PRSS23: variants seen among roughly 807,000 people sequenced by gnomAD.
PRSS23 encodes protease, serine 23.
Under a neutral mutation model 34.7 loss-of-function variants are expected in PRSS23, and 25 were observed. That is an observed-to-expected ratio of 0.72 (90% CI 0.53 to 1.01). PRSS23 has a LOEUF of 1.01. Ranked by LOEUF, PRSS23 falls within the 50% of genes least tolerant of loss-of-function variation. PRSS23 has a pLI of 0.00. For missense variants in PRSS23, 445 were observed against 475.6 expected (o/e 0.94, Z 0.60); for synonymous variants, 176 against 186.6 (o/e 0.94, Z 0.46).
intron 2 of PRSS23, among the ~76,000 whole-genome samples, chr11:86,917,286 T>C (rs914887608): frequency 1.6e-4 from 24 of 152,354 alleles, no homozygotes; most frequent in African/African-American, 5.5e-4. Context: ...GCCATTGCAC[T>C]CCAGCCTGGG....
intron 2 of PRSS23, among the ~76,000 whole-genome samples, chr11:86,883,949 T>G (rs566520821): frequency 6.6e-6 from 1 of 152,320 alleles, no homozygotes; most frequent in Admixed American, 6.5e-5. Context: ...CTTTTTTATC[T>G]CTTCTACCTC....
intron 2 of PRSS23, among the ~76,000 whole-genome samples, chr11:86,905,337 T>C (rs563855973): frequency 6.6e-6 from 1 of 152,306 alleles, no homozygotes; most frequent in South Asian, 2.1e-4. Flanking sequence ...TTAAGCATGA[T>C]AAAGCATGTG....
chr11:86,939,403 AATATAT>A (rs1555083965), intron 2 of PRSS23, among the ~76,000 whole-genome samples: 15 of 80,550 alleles, frequency 1.9e-4, no homozygotes, highest in African/African-American at 5.1e-4. Flanking sequence ...TAAAAAAAAA[AATATAT>A]ATATATATAT....
chr11:86,951,865 A>C (rs1279594903), exon 3 of PRSS23: 1 of 1,613,594 alleles, frequency 6.2e-7, no homozygotes, highest in Non-Finnish European at 8.5e-7. Context: ...CTGTGTTCTT[A>C]AGTCCTTCTT....
At chr11:86,837,546 A>C (rs1234417769) in intron 2 of PRSS23, 1 of 152,244 alleles carries the variant, frequency 6.6e-6, no homozygotes, top group Non-Finnish European at 1.5e-5. Context: ...AGGTGGGTGG[A>C]TCACAAGGTC....
At chr11:86,813,290 C>T (rs887999572), downstream of PRSS23, among the ~76,000 whole-genome samples, 1 of 152,180 alleles carries the variant, frequency 6.6e-6, no homozygotes, top group African/African-American at 2.4e-5. Flanking sequence ...CTTGCTATAC[C>T]TGTGTGTTAG....
chr11:86,825,577 A>C (rs111927301), intron 2 of PRSS23, among the ~76,000 whole-genome samples: 7,824 of 150,314 alleles, frequency 0.052, 304 homozygotes, highest in East Asian at 0.17. Flanking sequence ...CTGAATGGTA[A>C]TGCCTAGGTT....
At chr11:86,869,139 A>G (rs1948668971) in intron 2 of PRSS23, among the ~76,000 whole-genome samples, 1 of 152,216 alleles carries the variant, frequency 6.6e-6, no homozygotes, top group South Asian at 2.1e-4. Context: ...TTTGGAGTGA[A>G]AAACAGACAT....
At chr11:86,882,420 C>T (rs1037778808) in intron 2 of PRSS23, among the ~76,000 whole-genome samples, 1 of 152,168 alleles carries the variant, frequency 6.6e-6, no homozygotes, top group African/African-American at 2.4e-5. Context: ...CATGTGTTCT[C>T]ATTATTTAGC....
At chr11:86,872,050 A>G (rs552624706) in intron 2 of PRSS23, among the ~76,000 whole-genome samples, 1 of 152,342 alleles carries the variant, frequency 6.6e-6, no homozygotes, top group African/African-American at 2.4e-5. Context: ...CCTGCCACTT[A>G]CAATTAGCAG....
At chr11:86,845,690 G>T (rs754660839) in intron 2 of PRSS23, among the ~76,000 whole-genome samples, 7 of 152,114 alleles carry the variant, frequency 4.6e-5, no homozygotes, top group Middle Eastern at 3.2e-3. Context: ...ACCAGAATTT[G>T]TGCATTGTGT....
chr11:86,853,803 C>G (rs1481036543), intron 2 of PRSS23, among the ~76,000 whole-genome samples: 1 of 152,132 alleles, frequency 6.6e-6, no homozygotes, highest in Non-Finnish European at 1.5e-5. Flanking sequence ...AAATACACTC[C>G]ATACTATTTT....
intron 2 of PRSS23, among the ~76,000 whole-genome samples, chr11:86,855,390 T>C (rs1477564060): frequency 6.6e-6 from 1 of 152,204 alleles, no homozygotes; most frequent in Non-Finnish European, 1.5e-5. Flanking sequence ...TTATTCCATC[T>C]TTCTGTATTT....
At chr11:86,939,351 G>A (rs1172498011) in intron 2 of PRSS23, among the ~76,000 whole-genome samples, 1 of 127,866 alleles carries the variant, frequency 7.8e-6, no homozygotes, top group African/African-American at 2.7e-5. Flanking sequence ...AAAAAACACT[G>A]ACCTCAGGAG....
At chr11:86,857,846 T>C (rs1948583215) in intron 2 of PRSS23, 1 of 552,350 alleles carries the variant, frequency 1.8e-6, no homozygotes, top group Non-Finnish European at 3.5e-6. Flanking sequence ...TACATGGGGG[T>C]GTGGAAGTGG....
chr11:86,791,827 G>T lies in PRSS23; in HGVS notation c.-14+632G>T, dbSNP rs76573251. 3.7e-3 allele frequency among the ~76,000 whole-genome samples: 568 copies of T among 152,272 alleles called. 1 individual carries two copies. Among genetic ancestry groups the T allele is most frequent in the Non-Finnish European group, 6.5e-3 (444 of 68,022 alleles). On this transcript the variant is annotated intron_variant, in intron 1 of 1. Transcript: ENST00000527521. ...CATTCATGGTCCTACTGCTCAGAGG[G>T]CCTATGCTGCCATGTGTAAGAGCTG...
rs1312230961 is a variant in PRSS23, at chr11:86,850,539, G to C, written c.206+26946G>C. Among the ~76,000 whole-genome samples, 3 of 152,130 alleles carry C rather than the reference G, an allele frequency of 2.0e-5. No individual in the cohort carries two copies. The East Asian group carries it at 5.8e-4, about 29-fold the overall frequency. On this transcript the variant is annotated intron_variant, in intron 2 of 2. Coordinates refer to the PRSS23 transcript ENST00000533902. ...TGGATGAATAATATTGAAGATATAT[G>C]CTTGCTTAAAATATTCCTAACACCA...
Position 86,808,326 on chromosome 11 carries a change from A to G in PRSS23, c.683A>G (p.His228Arg), listed in dbSNP as rs1324729556. ...KFQWIRVKRT[H>R]VPKGWIKGNA... Reference sequence around the variant, plus strand: ...CAGTGGATCCGGGTGAAACGCACCCATGTGCCCAAGGGTTGGATCAAGGGC... The same window carrying G: ...CAGTGGATCCGGGTGAAACGCACCCGTGTGCCCAAGGGTTGGATCAAGGGC... Residue 228 changes from histidine to arginine, a missense_variant, in exon 2 of 2, where the codon CAT (histidine) becomes CGT (arginine). Transcript: ENST00000280258. 13 of 1,614,084 alleles carry G rather than the reference A, an allele frequency of 8.1e-6. No homozygotes were observed. Among genetic ancestry groups the G allele is most frequent in the Non-Finnish European group, 1.0e-5 (12 of 1,180,050 alleles).
At chr11:86,880,772 T>G (rs916229313) in intron 2 of PRSS23, among the ~76,000 whole-genome samples, 5 of 152,198 alleles carry the variant, frequency 3.3e-5, no homozygotes, top group African/African-American at 1.2e-4. Flanking sequence ...TGTGTTAGTT[T>G]GCTGAGAATG....
Sources: gnomAD v4.1 joint callset for allele counts (sites outside exome capture counted in the v4.1 genomes callset) on GRCh38, gnomAD v4.1.1 for gene constraint, MANE v1.5 for transcripts, NCBI Gene and HGNC (gene_info 2026-07-23, HGNC 2026-07-21) for gene names.